The following TRPC4 variants were observed in gnomAD, a reference collection of about 807,000 sequenced individuals.
TRPC4 encodes transient receptor potential cation channel subfamily C member 4, also known as short transient receptor potential channel 4.
TRPC4 carries 49 observed loss-of-function variants against 99.4 expected under a neutral mutation model. The observed-to-expected ratio is 0.49, with a 90% CI of 0.39 to 0.63. TRPC4 has a LOEUF of 0.63. TRPC4 is among the 20% of genes least tolerant of loss of function. TRPC4 has a pLI of 0.00. For missense variants in TRPC4, 898 were observed against 1,152.9 expected (o/e 0.78, Z 3.20); for synonymous variants, 454 against 425.9 (o/e 1.07, Z -0.81).
chr13:37,648,548 A>T (rs1230758832), intron 8 of TRPC4, among the ~76,000 whole-genome samples: 2 of 143,758 alleles, frequency 1.4e-5, no homozygotes, highest in Admixed American at 7.0e-5. Flanking sequence ...ATTAATGGTT[A>T]AAAAAAAAAA....
At chr13:37,824,057 G>A (rs79064526) in intron 1 of TRPC4, among the ~76,000 whole-genome samples, 28,095 of 128,758 alleles carry the variant, frequency 0.22, 2,739 homozygotes, top group East Asian at 0.33. Context: ...GTTCCCTCAT[G>A]ATTTGGCTCT....
chr13:37,805,598 G>T (rs1457242317), intron 1 of TRPC4, among the ~76,000 whole-genome samples: 2 of 151,928 alleles, frequency 1.3e-5, no homozygotes, highest in Non-Finnish European at 2.9e-5. Context: ...TGACTCTGAG[G>T]TTTTCTTCTT....
At chr13:37,646,877 G>A (rs1951873988) in intron 8 of TRPC4, among the ~76,000 whole-genome samples, 1 of 152,244 alleles carries the variant, frequency 6.6e-6, no homozygotes, top group Non-Finnish European at 1.5e-5. Context: ...ATAGCCCAGA[G>A]AGGAAGCATC....
chr13:37,828,917 C>G (rs1011950152), intron 1 of TRPC4, among the ~76,000 whole-genome samples: 1 of 152,130 alleles, frequency 6.6e-6, no homozygotes, highest in Non-Finnish European at 1.5e-5. Flanking sequence ...ACTCACACAA[C>G]ACACAATTAC....
chr13:37,642,913 TA>T (rs1269354352), intron 8 of TRPC4, among the ~76,000 whole-genome samples: 2 of 152,142 alleles, frequency 1.3e-5, no homozygotes, highest in East Asian at 3.9e-4. Flanking sequence ...GTATTTTTAA[TA>T]GAGACGGGGG....
chr13:37,801,349 C>A (rs1277389699), intron 1 of TRPC4, among the ~76,000 whole-genome samples: 2 of 152,052 alleles, frequency 1.3e-5, no homozygotes, highest in East Asian at 3.9e-4. Context: ...AAACAATGTT[C>A]TCCTGCATCA....
chr13:37,729,785 A>G lies in TRPC4; in HGVS notation c.897+16152T>C, dbSNP rs376455153. ...TTTTATGAGGTAATTAGTCAAAATT[A>G]TAAAGGCAGAAACTGGAATGGTGGA... On this transcript the variant is annotated intron_variant, in intron 3 of 10. Coordinates refer to ENST00000379705, the MANE Select transcript of TRPC4 (RefSeq NM_016179.4). Among the ~76,000 whole-genome samples the G allele has an allele frequency of 4.6e-5, 7 of 152,272 alleles. No individual in the cohort carries two copies. The East Asian group carries it at 1.3e-3, about 29-fold the overall frequency.
intron 4 of TRPC4, among the ~76,000 whole-genome samples, chr13:37,681,144 G>T (rs1170184158): frequency 6.6e-6 from 1 of 152,192 alleles, no homozygotes; most frequent in African/African-American, 2.4e-5. Flanking sequence ...TAGCTGAGCA[G>T]ACTCTGTTCT....
intron 5 of TRPC4, among the ~76,000 whole-genome samples, chr13:37,668,362 G>C (rs540747228): frequency 1.8e-4 from 27 of 152,210 alleles, no homozygotes; most frequent in African/African-American, 6.3e-4. Context: ...CTTTGTCTAA[G>C]GCATTTTTAG....
chr13:37,751,552 G>A (rs560485679), intron 2 of TRPC4, among the ~76,000 whole-genome samples: 141 of 151,780 alleles, frequency 9.3e-4, no homozygotes, highest in African/African-American at 3.3e-3. Flanking sequence ...AGAAAAGGAC[G>A]GGTCTTCGGG....
Position 37,806,051 on chromosome 13 carries a change from T to C in TRPC4, c.-27-22691A>G, listed in dbSNP as rs529732483. ...AGAGGAGTAAGTTCATAGCATAACA[T>C]TGGGGAAAAGGAATTTCAATAGAAA... On this transcript the variant is annotated intron_variant, in intron 1 of 10. Transcript: ENST00000379705. Among the ~76,000 whole-genome samples the C allele has an allele frequency of 2.0e-5, 3 of 151,984 alleles. No homozygotes were observed. The East Asian group carries it at 5.8e-4, about 29-fold the overall frequency.
rs1424158531 is a variant in TRPC4, at chr13:37,782,838, C to T, written c.378+118G>A. The T allele has an allele frequency of 2.9e-6, 3 of 1,020,164 alleles. No homozygotes were observed. The Admixed American group carries it at 1.0e-4, about 34-fold the overall frequency. 63.2% of individuals were successfully genotyped at this position (1,020,164 alleles called of 1,614,324 possible). ...TTATAATATAGTTCAGATTTTGAAG[C>T]TTATATTTCTTAAATTTTCAGGGCA... On this transcript the variant is annotated intron_variant, in intron 2 of 10. Transcript: ENST00000379705.
chr13:37,745,460 A>ATATATATGCG (rs1555265749), intron 3 of TRPC4, among the ~76,000 whole-genome samples: 1 of 4,928 alleles, frequency 2.0e-4, no homozygotes, highest in African/African-American at 4.3e-4. Context: ...ATATATATAT[A>ATATATATGCG]TATATATATA....
At chr13:37,820,532 A>G (rs542047764) in intron 1 of TRPC4, among the ~76,000 whole-genome samples, 1 of 152,192 alleles carries the variant, frequency 6.6e-6, no homozygotes, top group South Asian at 2.1e-4. Flanking sequence ...AGATGCAAAA[A>G]TTGTCAACAA....
chr13:37,839,111 G>A (rs1490501997), intron 1 of TRPC4, among the ~76,000 whole-genome samples: 2 of 152,172 alleles, frequency 1.3e-5, no homozygotes, highest in African/African-American at 4.8e-5. Flanking sequence ...TTGACAAGTA[G>A]TAGTATTGAT....
chr13:37,659,271 C>T (rs941444295), intron 6 of TRPC4, among the ~76,000 whole-genome samples: 2 of 151,942 alleles, frequency 1.3e-5, no homozygotes, highest in African/African-American at 4.8e-5. Flanking sequence ...CTCACAAGAG[C>T]TGATTGTTGA....
At chr13:37,822,042 A>G (rs573968653) in intron 1 of TRPC4, among the ~76,000 whole-genome samples, 17 of 152,302 alleles carry the variant, frequency 1.1e-4, no homozygotes, top group African/African-American at 3.8e-4. Flanking sequence ...AATGGGGAAA[A>G]TATTTGAAAA....
intron 4 of TRPC4, among the ~76,000 whole-genome samples, chr13:37,687,408 C>T (rs1159111755): frequency 6.6e-6 from 1 of 152,234 alleles, no homozygotes; most frequent in East Asian, 1.9e-4. Context: ...TTGTTTGTTA[C>T]AATCGGAGTT....
chr13:37,668,376 C>A (rs1373546492), intron 5 of TRPC4, among the ~76,000 whole-genome samples: 1 of 152,074 alleles, frequency 6.6e-6, no homozygotes, highest in Non-Finnish European at 1.5e-5. Flanking sequence ...TTTTTAGGTG[C>A]TGGACATCTA....
Sources: gnomAD v4.1 joint callset for allele counts (sites outside exome capture counted in the v4.1 genomes callset) on GRCh38, gnomAD v4.1.1 for gene constraint, MANE v1.5 for transcripts, NCBI Gene and HGNC (gene_info 2026-07-23, HGNC 2026-07-21) for gene names.